The following PACRG variants were observed in gnomAD, a reference collection of about 807,000 sequenced individuals.
PACRG encodes the protein parkin coregulated.
In PACRG, 29 loss-of-function variants were observed where a neutral mutation model predicts 29.7. That is an observed-to-expected ratio of 0.98 (90% CI 0.73 to 1.33). PACRG has a LOEUF of 1.33. Ranked by LOEUF, PACRG falls within the 40% of genes most tolerant of loss-of-function variation. PACRG has a pLI of 0.00. For missense variants in PACRG, 279 were observed against 316.2 expected (o/e 0.88, Z 0.89); for synonymous variants, 116 against 118.7 (o/e 0.98, Z 0.15).
intron 2 of PACRG, among the ~76,000 whole-genome samples, chr6:162,972,506 A>G (rs1041818770): frequency 3.9e-5 from 6 of 152,136 alleles, no homozygotes; most frequent in African/African-American, 1.4e-4. Context: ...TGAATTACCT[A>G]TTCTTGCAAC....
intron 2 of PACRG, among the ~76,000 whole-genome samples, chr6:162,835,732 G>A (rs537009999): frequency 7.2e-5 from 11 of 151,968 alleles, no homozygotes; most frequent in Admixed American, 2.6e-4. Flanking sequence ...ATTACCTGCC[G>A]TCATCTATAT....
intron 4 of PACRG, among the ~76,000 whole-genome samples, chr6:163,280,403 G>A (rs148632919): frequency 1.3e-5 from 2 of 148,946 alleles, no homozygotes; most frequent in African/African-American, 5.2e-5. Context: ...GCTGGTAGGG[G>A]TTATACTGTG....
intron 2 of PACRG, among the ~76,000 whole-genome samples, chr6:162,883,829 T>A (rs929756977): frequency 3.9e-5 from 6 of 152,004 alleles, no homozygotes; most frequent in Non-Finnish European, 5.9e-5. Context: ...CCCCCAAAAT[T>A]TAACTACTAA....
chr6:162,985,079 A>G (rs992323965), intron 2 of PACRG, among the ~76,000 whole-genome samples: 17 of 152,068 alleles, frequency 1.1e-4, no homozygotes, highest in Non-Finnish European at 2.4e-4. Context: ...CTGTCACCAA[A>G]AAAAGTTCAC....
chr6:162,763,690 T>G (rs1445742902), intron 1 of PACRG, among the ~76,000 whole-genome samples: 1 of 152,228 alleles, frequency 6.6e-6, no homozygotes, highest in African/African-American at 2.4e-5. Context: ...AGTATTTAGA[T>G]ATTTCTTTAT....
At chr6:162,894,679 T>C (rs965835845) in intron 2 of PACRG, among the ~76,000 whole-genome samples, 1 of 152,220 alleles carries the variant, frequency 6.6e-6, no homozygotes, top group African/African-American at 2.4e-5. Context: ...TGGTAGAGCC[T>C]CTGGATGAAC....
At chr6:162,902,929 T>G (rs1046266400) in intron 2 of PACRG, among the ~76,000 whole-genome samples, 9 of 152,210 alleles carry the variant, frequency 5.9e-5, no homozygotes, top group Non-Finnish European at 1.3e-4. Context: ...GATAATATAT[T>G]TATCATCTGA....
intron 2 of PACRG, among the ~76,000 whole-genome samples, chr6:162,848,660 A>G (rs1450071368): frequency 6.6e-6 from 1 of 152,244 alleles, no homozygotes; most frequent in East Asian, 1.9e-4. Context: ...CCTTATTTCC[A>G]TTCTTTGTGA....
At chr6:162,998,037 A>G (rs141657951) in intron 2 of PACRG, among the ~76,000 whole-genome samples, 58 of 152,296 alleles carry the variant, frequency 3.8e-4, no homozygotes, top group African/African-American at 1.4e-3. Context: ...CAGGAGTTAG[A>G]TTGGGATAAT....
chr6:163,099,038 T>C (rs917384919), intron 4 of PACRG, among the ~76,000 whole-genome samples: 15 of 152,296 alleles, frequency 9.8e-5, no homozygotes, highest in African/African-American at 3.6e-4. Context: ...AACCTCCTAT[T>C]TCATCCTGTG....
intron 2 of PACRG, among the ~76,000 whole-genome samples, chr6:163,001,286 A>G (rs958868983): frequency 2.0e-5 from 3 of 152,254 alleles, no homozygotes; most frequent in Admixed American, 6.5e-5. Flanking sequence ...AATTCTCCAA[A>G]GAGCTTTTGA....
At chr6:162,778,811 T>A (rs963925880) in intron 1 of PACRG, among the ~76,000 whole-genome samples, 2 of 152,376 alleles carry the variant, frequency 1.3e-5, no homozygotes, top group South Asian at 4.1e-4. Flanking sequence ...TGGGCCTGTG[T>A]GGCGCTCAGA....
intron 4 of PACRG, among the ~76,000 whole-genome samples, chr6:163,311,996 G>A (rs1034357044): frequency 2.6e-5 from 4 of 152,074 alleles, no homozygotes; most frequent in Non-Finnish European, 5.9e-5. Context: ...CTCATATGCC[G>A]ACAAAAGGCA....
At chr6:163,001,415 A>G (rs1413305208) in intron 2 of PACRG, among the ~76,000 whole-genome samples, 1 of 152,196 alleles carries the variant, frequency 6.6e-6, no homozygotes, top group Non-Finnish European at 1.5e-5. Context: ...AGAACGTCCC[A>G]TAAGAACCAG....
intron 2 of PACRG, among the ~76,000 whole-genome samples, chr6:162,848,101 A>C (rs1162780921): frequency 6.6e-6 from 1 of 152,140 alleles, no homozygotes; most frequent in African/African-American, 2.4e-5. Flanking sequence ...CAGAGTTATC[A>C]CCGAGCTGGA....
chr6:162,973,753 AGTGTGTGTGTAT>A (rs1372274604), intron 2 of PACRG, among the ~76,000 whole-genome samples: 1 of 148,246 alleles, frequency 6.7e-6, no homozygotes, highest in Non-Finnish European at 1.5e-5. Context: ...CCTTAAGAGT[AGTGTGTGTGTAT>A]GTGTGTGTGT....
At chr6:162,803,397 G>A (rs1034046707) in intron 1 of PACRG, among the ~76,000 whole-genome samples, 7 of 152,132 alleles carry the variant, frequency 4.6e-5, no homozygotes, top group African/African-American at 9.7e-5. Flanking sequence ...TTTGTGTAGT[G>A]TGTCAATGGG....
chr6:163,009,730 G>C lies in PACRG; in HGVS notation c.292-52420G>C, dbSNP rs147099792. ...TATTCTATCGGTGATTAACCAGCTG[G>C]GATGGAGTTATTTACACCTCTGGAA... is the stretch of plus-strand genomic sequence containing the variant. On this transcript the variant is annotated intron_variant, in intron 2 of 4. Coordinates refer to ENST00000366888, the MANE Select transcript of PACRG (RefSeq NM_001080379.2). 5.9e-3 allele frequency among the ~76,000 whole-genome samples: 892 copies of C among 152,234 alleles called. 11 individuals carry two copies. Among genetic ancestry groups the C allele is most frequent in the African/African-American group, 0.021 (860 of 41,540 alleles).
intron 4 of PACRG, among the ~76,000 whole-genome samples, chr6:163,214,142 A>T (rs367873016): frequency 1.3e-5 from 2 of 152,072 alleles, no homozygotes; most frequent in African/African-American, 4.8e-5. Context: ...TTCACTGTTT[A>T]CTCTGTCCAG....
Sources: gnomAD v4.1 joint callset for allele counts (sites outside exome capture counted in the v4.1 genomes callset) on GRCh38, gnomAD v4.1.1 for gene constraint, MANE v1.5 for transcripts, NCBI Gene and HGNC (gene_info 2026-07-23, HGNC 2026-07-21) for gene names.